The following ZNF536 variants were observed in gnomAD, a reference collection of about 807,000 sequenced individuals.
ZNF536 encodes zinc finger protein 536.
In ZNF536, 13 loss-of-function variants were observed where a neutral mutation model predicts 84.5. The observed-to-expected ratio is 0.15, with a 90% CI of 0.10 to 0.24. The LOEUF is 0.24. Ranked by LOEUF, ZNF536 falls within the 10% of genes least tolerant of loss-of-function variation. The pLI is 1.00. For synonymous variants in ZNF536, 811 were observed against 742.5 expected (o/e 1.09, Z -1.50); for missense variants, 1,536 against 1,747.5 (o/e 0.88, Z 2.16).
At chr19:30,460,344 C>G (rs965780411) in intron 2 of ZNF536, among the ~76,000 whole-genome samples, 7 of 152,100 alleles carry the variant, frequency 4.6e-5, no homozygotes, top group Admixed American at 4.6e-4. Context: ...GGAGCTTGGG[C>G]AACTAAATGG....
intron 2 of ZNF536, among the ~76,000 whole-genome samples, chr19:30,466,126 G>A (rs1235661186): frequency 6.6e-6 from 1 of 152,050 alleles, no homozygotes; most frequent in African/African-American, 2.4e-5. Context: ...AGGAGGCTGA[G>A]GTGGGAGGAT....
At chr19:30,484,077 G>A (rs1771670138) in intron 2 of ZNF536, among the ~76,000 whole-genome samples, 1 of 151,922 alleles carries the variant, frequency 6.6e-6, no homozygotes, top group Admixed American at 6.6e-5. Context: ...CCCCGCTGGT[G>A]CACCCTGCCC....
At chr19:30,308,950 C>T (rs1375650424) in intron 2 of ZNF536, among the ~76,000 whole-genome samples, 2 of 152,098 alleles carry the variant, frequency 1.3e-5, no homozygotes, top group African/African-American at 4.8e-5. Flanking sequence ...TGGCGTCCCC[C>T]CAGCCCTGTC....
intron 4 of ZNF536, chr19:30,556,584 T>C (rs1825939402): frequency 6.6e-6 from 1 of 152,298 alleles, no homozygotes; most frequent in Admixed American, 6.5e-5. Flanking sequence ...AACTGTTGTG[T>C]GAATACCATT....
intron 1 of ZNF536, among the ~76,000 whole-genome samples, chr19:30,576,934 G>A (rs528972028): frequency 6.6e-6 from 1 of 152,328 alleles, no homozygotes; most frequent in East Asian, 1.9e-4. Flanking sequence ...GCTCCTCACA[G>A]TTGTACTTTA....
chr19:30,688,111 G>A (rs779541121), intron 1 of ZNF536, among the ~76,000 whole-genome samples: 7 of 151,508 alleles, frequency 4.6e-5, no homozygotes, highest in Non-Finnish European at 1.0e-4. Flanking sequence ...ACGGAGATTA[G>A]AGATTGGAGG....
chr19:30,327,652 G>A (rs1801049121), intron 2 of ZNF536, among the ~76,000 whole-genome samples: 1 of 152,188 alleles, frequency 6.6e-6, no homozygotes, highest in African/African-American at 2.4e-5. Context: ...CCTTCATTTG[G>A]GAGGTGTCTT....
chr19:30,253,495 C>A (rs375960904), intron 1 of ZNF536, among the ~76,000 whole-genome samples: 1 of 152,176 alleles, frequency 6.6e-6, no homozygotes, highest in East Asian at 1.9e-4. Flanking sequence ...TTGAGAGCAG[C>A]CCCTGTGCTG....
At chr19:30,263,741 A>G (rs2025347118) in intron 1 of ZNF536, among the ~76,000 whole-genome samples, 1 of 152,020 alleles carries the variant, frequency 6.6e-6, no homozygotes, top group African/African-American at 2.4e-5. Context: ...TCATACATTT[A>G]TGGGTTAAAA....
chr19:30,621,291 A>G (rs2048472456), intron 1 of ZNF536, among the ~76,000 whole-genome samples: 1 of 152,068 alleles, frequency 6.6e-6, no homozygotes, highest in South Asian at 2.1e-4. Context: ...TGTCTCTCAT[A>G]GATCATTACA....
At chr19:30,627,600 ACTCTTAAATAATGACACTCTTAAATTCC>A (rs942600892) in intron 1 of ZNF536, among the ~76,000 whole-genome samples, 4 of 150,104 alleles carry the variant, frequency 2.7e-5, no homozygotes, top group Non-Finnish European at 4.4e-5. Context: ...ACCTCTCTGG[ACTCTTAAATAATGACACTCTTAAATTCC>A]CTCTTAAATA....
chr19:30,372,959 T>C (rs778035135), intron 1 of ZNF536, among the ~76,000 whole-genome samples: 9 of 152,156 alleles, frequency 5.9e-5, no homozygotes, highest in Middle Eastern at 3.2e-3. Context: ...CTTGTCTCTT[T>C]CTGAAAGATG....
rs188671486 is a variant in ZNF536, at chr19:30,406,057, G to A, written c.-3+33501G>A. 4.8e-3 allele frequency among the ~76,000 whole-genome samples: 736 copies of A among 152,300 alleles called. 4 individuals carry two copies. The highest frequency in any genetic ancestry group is 0.016 in the African/African-American group (684 of 41,568). On this transcript the variant is annotated intron_variant, in intron 1 of 4. Transcript: ENST00000355537. Reference sequence around the variant, plus strand: ...CTCCCAAAGTGGTGGGATTACAGGCGTGAGCCACCACGCCCAGCCACTGTT... The same window carrying A: ...CTCCCAAAGTGGTGGGATTACAGGCATGAGCCACCACGCCCAGCCACTGTT...
chr19:30,324,315 T>C (rs1014950976), intron 2 of ZNF536, among the ~76,000 whole-genome samples: 8 of 152,254 alleles, frequency 5.3e-5, no homozygotes, highest in African/African-American at 1.9e-4. Context: ...TCCATCTATC[T>C]ATCCATCCAT....
chr19:30,606,291 T>TAAATA (rs1568597251), intron 1 of ZNF536, among the ~76,000 whole-genome samples: 1,063 of 55,700 alleles, frequency 0.019, 91 homozygotes, highest in Admixed American at 0.12. Flanking sequence ...TAAAATAAAA[T>TAAATA]AAATAAAATA....
At chr19:30,617,561 A>G (rs8111493) in intron 1 of ZNF536, among the ~76,000 whole-genome samples, 1,610 of 151,454 alleles carry the variant, frequency 0.011, 35 homozygotes, top group African/African-American at 0.037. Flanking sequence ...TGTGTTAGTC[A>G]GGATGGTCTC....
At chr19:30,613,058 T>A (rs1156917241) in intron 1 of ZNF536, among the ~76,000 whole-genome samples, 1 of 152,218 alleles carries the variant, frequency 6.6e-6, no homozygotes, top group Non-Finnish European at 1.5e-5. Context: ...TTTCTTATGA[T>A]TAGATTGAAG....
chr19:30,414,658 T>C (rs1010692945), intron 1 of ZNF536, among the ~76,000 whole-genome samples: 2 of 152,198 alleles, frequency 1.3e-5, no homozygotes, highest in Non-Finnish European at 2.9e-5. Context: ...CCTTTGCCTT[T>C]CCTTCATGTG....
upstream of ZNF536, among the ~76,000 whole-genome samples, chr19:30,367,989 C>T (rs2048492359): frequency 6.6e-6 from 1 of 152,196 alleles, no homozygotes; most frequent in African/African-American, 2.4e-5. Context: ...ACCACCATCT[C>T]CCACCCTGTG....
Sources: gnomAD v4.1 joint callset for allele counts (sites outside exome capture counted in the v4.1 genomes callset) on GRCh38, gnomAD v4.1.1 for gene constraint, MANE v1.5 for transcripts, NCBI Gene and HGNC (gene_info 2026-07-23, HGNC 2026-07-21) for gene names.